C10orf90: variants seen among roughly 807,000 people sequenced by gnomAD.
The protein encoded by C10orf90 is (E2-independent) E3 ubiquitin-conjugating enzyme FATS.
A neutral mutation model predicts 62.5 loss-of-function variants in C10orf90; 56 were observed. That is an observed-to-expected ratio of 0.90 (90% confidence interval 0.72 to 1.12). The LOEUF is 1.12. Ranked by LOEUF, C10orf90 falls within the 50% of genes most tolerant of loss-of-function variation. The pLI, the probability that C10orf90 is intolerant of heterozygous loss-of-function variation, is 0.00. For synonymous variants in C10orf90, 386 were observed against 340.4 expected (o/e 1.13, Z -1.47); for missense variants, 970 against 880.4 (o/e 1.10, Z -1.29).
intron 2 of C10orf90, among the ~76,000 whole-genome samples, chr10:126,559,302 C>A (rs1298546893): frequency 6.6e-6 from 1 of 152,192 alleles, no homozygotes; most frequent in Non-Finnish European, 1.5e-5. Flanking sequence ...ATAATGAGCA[C>A]CTATTCTTAC....
chr10:126,453,264 C>T lies in C10orf90; in HGVS notation c.2188+5776G>A, dbSNP rs1365778509. On this transcript the variant is annotated intron_variant, in intron 7 of 9. Coordinates refer to ENST00000488181, the MANE Select transcript of C10orf90 (RefSeq NM_001350921.2). The surrounding 1 kb of genome is among the most constrained non-coding windows in gnomAD (Gnocchi z 4.9). ...TCTGCTGTGCTAGATGCAGCAGGGC[C>T]TCTCGCAGTGATTTGGTGTGGAGTA... is the stretch of plus-strand genomic sequence containing the variant. Among the ~76,000 whole-genome samples, 1 of 152,156 alleles carries T rather than the reference C, an allele frequency of 6.6e-6. No homozygotes were observed. Among genetic ancestry groups the T allele is most frequent in the East Asian group, 1.9e-4 (1 of 5,188 alleles).
chr10:126,429,699 C>A, intron 8 of C10orf90, 88 bp downstream of exon 8: 2 of 1,011,512 alleles, frequency 2.0e-6, no homozygotes, highest in Non-Finnish European at 1.5e-6. Flanking sequence ...GACCTAGAAG[C>A]AGTGGTCCCA....
intron 2 of C10orf90, among the ~76,000 whole-genome samples, chr10:126,602,572 C>T (rs140589818): frequency 1.6e-3 from 241 of 152,242 alleles, no homozygotes; most frequent in Non-Finnish European, 2.9e-3. Flanking sequence ...AAGGTGGGAG[C>T]AGCACCTGTT....
chr10:126,642,343 T>TAC (rs1564905753), intron 2 of C10orf90, among the ~76,000 whole-genome samples: 12 of 151,992 alleles, frequency 7.9e-5, no homozygotes, highest in Non-Finnish European at 1.5e-4. Flanking sequence ...CCATCCTGGC[T>TAC]AACATGGTGA....
chr10:126,560,239 T>G (rs1864870450), intron 2 of C10orf90, among the ~76,000 whole-genome samples: 1 of 152,208 alleles, frequency 6.6e-6, no homozygotes, highest in Non-Finnish European at 1.5e-5. Flanking sequence ...AGACTCAGCC[T>G]AAGATGAAAA....
chr10:126,474,816 C>A (rs1043689933), intron 4 of C10orf90, among the ~76,000 whole-genome samples: 3 of 152,148 alleles, frequency 2.0e-5, no homozygotes, highest in African/African-American at 7.2e-5. Context: ...TCAGCCATTC[C>A]CCTGTGAGGA....
intron 7 of C10orf90, among the ~76,000 whole-genome samples, chr10:126,437,765 T>C (rs143530761): frequency 0.024 from 3,586 of 152,094 alleles, 73 homozygotes; most frequent in Non-Finnish European, 0.031. Context: ...AACCCTACTT[T>C]GAATGTTTAC....
chr10:126,504,756 G>C lies in C10orf90; in HGVS notation c.735C>G (p.Gly245=). 6.3e-7 allele frequency: 1 copy of C among 1,590,276 alleles called. No homozygotes were observed. Among genetic ancestry groups the C allele is most frequent in the Non-Finnish European group, 8.6e-7 (1 of 1,167,620 alleles). The change falls in exon 4 of 10, where the codon GGC becomes GGG. Residue 245 remains glycine (G), a synonymous_variant. Transcript: ENST00000488181. This position sits in a 1 kb window ranked among gnomAD's most constrained non-coding sequence, Gnocchi z 4.1. The stretch of plus-strand genomic sequence containing the variant: ...CCCACACCAGGGCGCGGGCTGGGGG[G>C]CCCACGCGTCTGGCCGTGATGGTGA... ...ASITITARRV[G]PPARALVWGT...
chr10:126,488,998 A>G (rs1861578448), intron 4 of C10orf90, among the ~76,000 whole-genome samples: 4 of 152,186 alleles, frequency 2.6e-5, no homozygotes, highest in Admixed American at 2.0e-4. Context: ...TCCTTCGGAA[A>G]CAGAGGAGGA....
intron 7 of C10orf90, among the ~76,000 whole-genome samples, chr10:126,443,538 C>A (rs10901610): frequency 0.84 from 128,058 of 152,102 alleles, 54,440 homozygotes; most frequent in East Asian, 0.99. Context: ...ATTACCAACA[C>A]AGAAAGCCCA....
At position 126,505,040 on chromosome 10, in the gene C10orf90, T is replaced by A; in HGVS notation, c.451A>T (p.Ile151Phe). The stretch of plus-strand genomic sequence containing the variant: ...TTATTCTCATCAATCATCTGGGAGA[T>A]GACTATGGATGAAATCATTTTTGTG... ...QNTKMISSIV[I>F]SQMIDENKSR... is the part of the protein sequence containing the mutation. Residue 151 changes from isoleucine to phenylalanine, a missense_variant, in exon 4 of 10, where the codon ATC (isoleucine) becomes TTC (phenylalanine). Physicochemically the swap from Ile to Phe is conservative, Grantham distance 21. Coordinates refer to ENST00000488181, the MANE Select transcript of C10orf90 (RefSeq NM_001350921.2). 1.9e-6 allele frequency: 3 copies of A among 1,611,608 alleles called. No homozygotes were observed. In the Middle Eastern group the frequency reaches 5.0e-4, roughly 266 times the overall value.
At position 126,509,712 on chromosome 10, in the gene C10orf90, T is replaced by C. The variant is rs1172944335; in HGVS notation, c.405+4136A>G. 2.0e-5 allele frequency among the ~76,000 whole-genome samples: 3 copies of C among 152,338 alleles called. No individual in the cohort carries two copies. In the East Asian group the frequency reaches 5.8e-4, roughly 29 times the overall value. On this transcript the variant is annotated intron_variant, in intron 3 of 9. Transcript: ENST00000488181. ...AGTCCCCAAACAACAAACTCGGAGA[T>C]ATTGAAAAGGAAACACTGGCGGACT...
At chr10:126,450,686 A>G (rs1859122791) in intron 7 of C10orf90, among the ~76,000 whole-genome samples, 1 of 152,234 alleles carries the variant, frequency 6.6e-6, no homozygotes, top group Non-Finnish European at 1.5e-5. Context: ...ATATTTAAAA[A>G]TGAACTGAAA....
chr10:126,537,499 C>A (rs990176994), intron 2 of C10orf90, among the ~76,000 whole-genome samples: 1 of 152,138 alleles, frequency 6.6e-6, no homozygotes, highest in Non-Finnish European at 1.5e-5. Context: ...AAGAGCTGCC[C>A]GGGGAGTCCT....
At chr10:126,567,516 C>A (rs1485332907) in intron 2 of C10orf90, among the ~76,000 whole-genome samples, 1 of 152,092 alleles carries the variant, frequency 6.6e-6, no homozygotes, top group African/African-American at 2.4e-5. Context: ...GGCATGAGAC[C>A]CTCTTCCCCC....
At chr10:126,529,242 C>T (rs567752334) in intron 2 of C10orf90, among the ~76,000 whole-genome samples, 46 of 152,164 alleles carry the variant, frequency 3.0e-4, no homozygotes, top group South Asian at 1.2e-3. Context: ...AAACCTTAAA[C>T]GCAAAAGGTA....
chr10:126,595,096 A>G (rs577165623), intron 2 of C10orf90, among the ~76,000 whole-genome samples: 275 of 152,340 alleles, frequency 1.8e-3, no homozygotes, highest in Non-Finnish European at 3.2e-3. Context: ...TCTCAGAGCC[A>G]GTACTAAGGA....
Position 126,464,911 on chromosome 10 carries a change from A to G in C10orf90, c.1610T>C (p.Val537Ala), listed in dbSNP as rs201947519. ...GAAATGTCTAGTGGGCTTCTGTTCC[A>G]CTGGAGGAGCAGACACAGTCATACA... ...EVCMTVSAPP[V>A]EQKPTRHFLP... The change falls in exon 5 of 10, where the codon GTG becomes GCG. Residue 537 changes from valine (V) to alanine (A), a missense_variant. Val to Ala is a moderately conservative substitution (Grantham distance 64). Coordinates refer to ENST00000488181, the MANE Select transcript of C10orf90 (RefSeq NM_001350921.2). The G allele has an allele frequency of 1.8e-5, 29 of 1,613,542 alleles. No individual in the cohort carries two copies. The East Asian group carries it at 5.8e-4, about 32-fold the overall frequency.
At chr10:126,486,819 G>A (rs1861459051) in intron 4 of C10orf90, among the ~76,000 whole-genome samples, 1 of 152,086 alleles carries the variant, frequency 6.6e-6, no homozygotes, top group East Asian at 1.9e-4. Flanking sequence ...GGAAATCTGT[G>A]AAAATGGGAA....
Sources: gnomAD v4.1 joint callset for allele counts (sites outside exome capture counted in the v4.1 genomes callset) on GRCh38, gnomAD v4.1.1 for gene constraint, Gnocchi (gnomAD v3.1) non-coding constraint, MANE v1.5 for transcripts, NCBI Gene and HGNC (gene_info 2026-07-23, HGNC 2026-07-21) for gene names.